The following SND1 variants were observed in gnomAD, a reference collection of about 807,000 sequenced individuals.
SND1 encodes the protein staphylococcal nuclease domain-containing protein 1.
A neutral mutation model predicts 121.7 loss-of-function variants in SND1; 38 were observed. The ratio of observed to expected loss-of-function variants is 0.31; its 90% confidence interval spans 0.24 to 0.41. The LOEUF is 0.41. Ranked by LOEUF, SND1 falls within the 10% of genes least tolerant of loss-of-function variation. The pLI is 1.00. For missense variants in SND1, 868 were observed against 1,184.6 expected, an observed-to-expected ratio of 0.73 and a Z score of 3.92; for synonymous variants, 401 against 447.4, an observed-to-expected ratio of 0.90 and a Z score of 1.31.
At chr7:127,857,979 G>A in intron 12 of SND1, 2 of 1,438,982 alleles carry the variant, frequency 1.4e-6, no homozygotes, top group East Asian at 2.3e-5. Flanking sequence ...CGCTGGTGAA[G>A]GGCCCATGCA....
rs750851763 is a variant in SND1, at chr7:128,028,877, GGAC to G, written c.1779+37823_1779+37825del. 2.0e-5 allele frequency: 32 copies of G among 1,613,982 alleles called. No individual in the cohort carries two copies. In the Middle Eastern group the frequency reaches 8.2e-4, roughly 41 times the overall value. The stretch of plus-strand genomic sequence containing the variant: ...CTACTGCCCCCTCACCTGATACACC[GGAC>G]GGAGCTGCTGTTGCTGCTGCGGATG... On this transcript the variant is annotated intron_variant, in intron 16 of 23. Transcript: ENST00000354725.
intron 10 of SND1, among the ~76,000 whole-genome samples, chr7:127,761,578 C>T (rs1175484483): frequency 6.6e-6 from 1 of 152,164 alleles, no homozygotes; most frequent in African/African-American, 2.4e-5. Flanking sequence ...TCTCTTCTGT[C>T]TTTTCCTAGA....
chr7:127,664,790 G>A (rs1795384367), intron 1 of SND1, among the ~76,000 whole-genome samples: 1 of 152,190 alleles, frequency 6.6e-6, no homozygotes, highest in African/African-American at 2.4e-5. Context: ...CAGGAAGACA[G>A]TGTCTGAATT....
chr7:128,059,489 C>T (rs1329973716), intron 16 of SND1, among the ~76,000 whole-genome samples: 30 of 152,202 alleles, frequency 2.0e-4, no homozygotes, highest in Admixed American at 2.0e-3. Flanking sequence ...TGTTAGGTCT[C>T]TTTACATACT....
chr7:127,985,060 C>T (rs1389506002), intron 15 of SND1, among the ~76,000 whole-genome samples: 1 of 152,224 alleles, frequency 6.6e-6, no homozygotes. Context: ...GGCCTGACTG[C>T]ACATTTGCTA....
chr7:127,713,789 T>C (rs58406876), intron 9 of SND1, among the ~76,000 whole-genome samples: 32,243 of 152,194 alleles, frequency 0.21, 4,007 homozygotes, highest in Middle Eastern at 0.33. Flanking sequence ...CTGGTTCCCT[T>C]TGTCTGCTTA....
At chr7:127,989,408 A>G (rs1021753939) in intron 15 of SND1, among the ~76,000 whole-genome samples, 3 of 152,070 alleles carry the variant, frequency 2.0e-5, no homozygotes, top group African/African-American at 7.2e-5. Flanking sequence ...CCCAATATAT[A>G]GCCTATTCCC....
intron 10 of SND1, among the ~76,000 whole-genome samples, chr7:127,741,712 G>A (rs1796885179): frequency 6.6e-6 from 1 of 152,052 alleles, no homozygotes. Context: ...GACTTTAAAA[G>A]GCCCACTTGT....
intron 15 of SND1, chr7:127,949,236 T>A (rs772236976): frequency 6.6e-6 from 1 of 152,252 alleles, no homozygotes; most frequent in Non-Finnish European, 1.5e-5. Context: ...TTCTTGGTGC[T>A]CATTCTGTTC....
intron 16 of SND1, chr7:128,030,590 G>A (rs377634897): frequency 4.9e-5 from 79 of 1,599,162 alleles, no homozygotes; most frequent in Non-Finnish European, 6.2e-5. Flanking sequence ...ACGGGAGCAG[G>A]ATGGCATTCC....
At chr7:127,877,239 A>G (rs2116710243) in intron 12 of SND1, among the ~76,000 whole-genome samples, 1 of 152,302 alleles carries the variant, frequency 6.6e-6, no homozygotes. Flanking sequence ...TTGTCTATTT[A>G]CTAAGCATAA....
intron 12 of SND1, among the ~76,000 whole-genome samples, chr7:127,871,712 A>T (rs563615362): frequency 6.6e-6 from 1 of 152,334 alleles, no homozygotes; most frequent in South Asian, 2.1e-4. Flanking sequence ...TGCTCATTGA[A>T]ATGATAAACA....
chr7:127,876,069 T>C (rs978110933), intron 12 of SND1, among the ~76,000 whole-genome samples: 1 of 152,148 alleles, frequency 6.6e-6, no homozygotes, highest in Non-Finnish European at 1.5e-5. Context: ...CAGTAAACTT[T>C]AGGCTTCCTC....
chr7:127,929,486 C>A (rs1800916936), intron 15 of SND1, among the ~76,000 whole-genome samples, 157 bp downstream of exon 15: 1 of 152,160 alleles, frequency 6.6e-6, no homozygotes, highest in African/African-American at 2.4e-5. Flanking sequence ...AGATTGGATC[C>A]TCCTGTGCCT....
chr7:127,962,312 C>T (rs1584698201), intron 15 of SND1, among the ~76,000 whole-genome samples: 1 of 152,172 alleles, frequency 6.6e-6, no homozygotes, highest in East Asian at 1.9e-4. Flanking sequence ...CAAAAGAATA[C>T]ACGATCTTGG....
At chr7:127,710,272 A>G (rs2116361548) in intron 9 of SND1, among the ~76,000 whole-genome samples, 2 of 152,336 alleles carry the variant, frequency 1.3e-5, no homozygotes, top group Middle Eastern at 6.8e-3. Context: ...TAGTTGTGAT[A>G]GAAACTGCGT....
At chr7:127,849,953 T>G (rs1360469470) in intron 12 of SND1, among the ~76,000 whole-genome samples, 1 of 152,192 alleles carries the variant, frequency 6.6e-6, no homozygotes, top group East Asian at 1.9e-4. Context: ...CAAGGCCATC[T>G]TTATGAATAT....
chr7:128,032,505 G>T (rs893319504), intron 16 of SND1, among the ~76,000 whole-genome samples: 2 of 151,470 alleles, frequency 1.3e-5, no homozygotes, highest in Admixed American at 6.6e-5. Flanking sequence ...GAGCGGCGCG[G>T]GGCTGCGGCG....
At chr7:127,826,849 G>T (rs1226693378) in intron 11 of SND1, among the ~76,000 whole-genome samples, 2 of 152,184 alleles carry the variant, frequency 1.3e-5, no homozygotes, top group East Asian at 3.8e-4. Context: ...GTCATTAACA[G>T]AATTTGGAGG....
Sources: allele counts gnomAD v4.1 joint callset (sites outside exome capture counted in the v4.1 genomes callset), GRCh38; gene constraint gnomAD v4.1.1; transcripts MANE v1.5; gene names NCBI Gene and HGNC (gene_info 2026-07-23, HGNC 2026-07-21).